Variants in PCDH15 observed in about 807,000 individuals in gnomAD.
The protein encoded by PCDH15 is protocadherin related 15.
A neutral mutation model predicts 178.5 loss-of-function variants in PCDH15; 129 were observed. That is an observed-to-expected ratio of 0.72 (90% confidence interval 0.63 to 0.84). PCDH15 has a LOEUF of 0.84. PCDH15 is among the 40% of genes least tolerant of loss of function. PCDH15 has a pLI of 0.00. For synonymous variants in PCDH15, 800 were observed against 732.0 expected (o/e 1.09, Z -1.50); for missense variants, 2,230 against 2,099.9 (o/e 1.06, Z -1.21).
intron 26 of PCDH15, among the ~76,000 whole-genome samples, chr10:53,897,237 C>T (rs1274002832): frequency 6.6e-6 from 1 of 152,042 alleles, no homozygotes; most frequent in African/African-American, 2.4e-5. Flanking sequence ...TAGCATGTTC[C>T]CACAATGCAC....
chr10:53,841,271 T>C (rs2077625470), intron 28 of PCDH15, among the ~76,000 whole-genome samples: 2 of 152,112 alleles, frequency 1.3e-5, no homozygotes, highest in Admixed American at 1.3e-4. Flanking sequence ...TAAGAGCATA[T>C]AATTCAGTAT....
chr10:54,951,128 G>A (rs1030864550), intron 2 of PCDH15, among the ~76,000 whole-genome samples: 3 of 151,820 alleles, frequency 2.0e-5, no homozygotes, highest in African/African-American at 7.3e-5. Flanking sequence ...TAGACTATGG[G>A]TTTTGACAAA....
intron 1 of PCDH15, among the ~76,000 whole-genome samples, chr10:54,724,571 A>G (rs1440999005): frequency 6.6e-6 from 1 of 151,640 alleles, no homozygotes; most frequent in East Asian, 1.9e-4. Context: ...AGCTGTAGAG[A>G]GTAGTATATC....
intron 2 of PCDH15, among the ~76,000 whole-genome samples, chr10:54,643,969 T>A: frequency 2.8e-5 from 1 of 35,574 alleles, no homozygotes; most frequent in South Asian, 1.2e-3. Flanking sequence ...CCCTCCCCCC[T>A]CCCCCCACCC....
At chr10:54,878,022 G>C (rs968326709) in intron 3 of PCDH15, among the ~76,000 whole-genome samples, 4 of 135,730 alleles carry the variant, frequency 2.9e-5, no homozygotes, top group African/African-American at 5.5e-5. Context: ...GAGTGCAGTG[G>C]CATGATCTCG....
At chr10:54,052,310 A>T (rs551046315) in intron 18 of PCDH15, among the ~76,000 whole-genome samples, 1 of 152,174 alleles carries the variant, frequency 6.6e-6, no homozygotes, top group African/African-American at 2.4e-5. Context: ...CCATGAAAGC[A>T]GTTAGGAGGG....
chr10:54,590,911 G>T (rs997971611), intron 2 of PCDH15, among the ~76,000 whole-genome samples: 1 of 151,946 alleles, frequency 6.6e-6, no homozygotes, highest in Non-Finnish European at 1.5e-5. Context: ...TACCTCATTT[G>T]GGAAGGGGTC....
intron 1 of PCDH15, among the ~76,000 whole-genome samples, chr10:54,677,636 C>T (rs1226617670): frequency 6.6e-6 from 1 of 152,062 alleles, no homozygotes; most frequent in East Asian, 1.9e-4. Context: ...GGAGACTGTG[C>T]AGAATTTAAA....
chr10:54,314,277 T>G (rs2061096304), intron 8 of PCDH15, among the ~76,000 whole-genome samples: 1 of 152,078 alleles, frequency 6.6e-6, no homozygotes, highest in Non-Finnish European at 1.5e-5. Flanking sequence ...GAATAGAAAT[T>G]TTCGAATGAA....
chr10:55,087,228 A>G (rs563109590), intron 2 of PCDH15, among the ~76,000 whole-genome samples: 5 of 152,282 alleles, frequency 3.3e-5, no homozygotes, highest in Admixed American at 6.5e-5. Context: ...TATTTAGTCA[A>G]TAATTTGCTC....
chr10:54,971,374 T>A (rs2131894095), intron 2 of PCDH15, among the ~76,000 whole-genome samples: 1 of 152,254 alleles, frequency 6.6e-6, no homozygotes. Flanking sequence ...CATTTCTCCC[T>A]GCAGGGACAT....
intron 3 of PCDH15, among the ~76,000 whole-genome samples, chr10:54,431,169 T>C (rs1956923920): frequency 6.6e-6 from 1 of 152,162 alleles, no homozygotes; most frequent in South Asian, 2.1e-4. Context: ...ACTGCTGAAT[T>C]CTACCACACA....
intron 2 of PCDH15, among the ~76,000 whole-genome samples, chr10:54,570,627 G>A (rs967286386): frequency 3.3e-5 from 5 of 151,688 alleles, no homozygotes; most frequent in Non-Finnish European, 4.4e-5. Flanking sequence ...TTCTGCACCC[G>A]AAGAAAGTGC....
At chr10:55,294,268 G>A (rs1843081532) in intron 1 of PCDH15, among the ~76,000 whole-genome samples, 1 of 152,106 alleles carries the variant, frequency 6.6e-6, no homozygotes, top group Non-Finnish European at 1.5e-5. Context: ...CACAACACGT[G>A]GGAATTCACG....
chr10:54,534,497 A>G (rs185634107), intron 2 of PCDH15, among the ~76,000 whole-genome samples: 2 of 152,240 alleles, frequency 1.3e-5, no homozygotes, highest in African/African-American at 4.8e-5. Context: ...TATGCCCCTG[A>G]TATGAGTTGG....
At chr10:55,347,078 G>A (rs1844782034) in intron 2 of PCDH15, among the ~76,000 whole-genome samples, 1 of 152,006 alleles carries the variant, frequency 6.6e-6, no homozygotes, top group South Asian at 2.1e-4. Flanking sequence ...AGCCAGGCGT[G>A]GTGGCACATA....
chr10:54,352,130 A>C (rs907097129), intron 5 of PCDH15, among the ~76,000 whole-genome samples: 14 of 152,302 alleles, frequency 9.2e-5, no homozygotes, highest in Admixed American at 2.6e-4. Context: ...GTGTCATATC[A>C]ACACAGAAAC....
chr10:53,844,036 C>G, intron 28 of PCDH15, among the ~76,000 whole-genome samples: 1 of 151,532 alleles, frequency 6.6e-6, no homozygotes, highest in East Asian at 1.9e-4. Context: ...TGAGCAAAAA[C>G]TTTAGGGAAC....
intron 18 of PCDH15, among the ~76,000 whole-genome samples, chr10:54,058,266 T>C (rs1334228009): frequency 1.3e-5 from 2 of 152,178 alleles, no homozygotes; most frequent in Non-Finnish European, 2.9e-5. Context: ...ATTAGACTGT[T>C]TTCATGCTGC....
Sources: gnomAD v4.1 joint callset for allele counts (sites outside exome capture counted in the v4.1 genomes callset) on GRCh38, gnomAD v4.1.1 for gene constraint, MANE v1.5 for transcripts, NCBI Gene and HGNC (gene_info 2026-07-23, HGNC 2026-07-21) for gene names.